Variants in IL4R observed in about 807,000 individuals in gnomAD.
The protein encoded by IL4R is interleukin-4 receptor subunit alpha.
In IL4R, 17 loss-of-function variants were observed where a neutral mutation model predicts 41.5. That is an observed-to-expected ratio of 0.41 (90% CI 0.28 to 0.61). The LOEUF is 0.61. Ranked by LOEUF, IL4R falls within the 20% of genes least tolerant of loss-of-function variation. The pLI is 0.31. For missense variants in IL4R, 974 were observed against 1,043.1 expected (o/e 0.93, Z 0.91); for synonymous variants, 402 against 422.9 (o/e 0.95, Z 0.61).
intron 1 of IL4R, 123 bp downstream of exon 1, chr16:27,314,143 G>A: frequency 3.1e-6 from 3 of 973,814 alleles, no homozygotes; most frequent in Non-Finnish European, 3.7e-6. Flanking sequence ...GACTCCGAGC[G>A]GGGCCCGAGC....
chr16:27,315,136 A>G (rs145888289), intron 1 of IL4R, among the ~76,000 whole-genome samples: 16 of 152,262 alleles, frequency 1.1e-4, no homozygotes, highest in Admixed American at 3.9e-4. Context: ...GACCCACTGC[A>G]CTTCCCTGCC....
At chr16:27,317,609 GC>G (rs2084685514) in intron 1 of IL4R, among the ~76,000 whole-genome samples, 1 of 152,166 alleles carries the variant, frequency 6.6e-6, no homozygotes, top group Non-Finnish European at 1.5e-5. Context: ...CAGACCGGGT[GC>G]ATCACCACTG....
Position 27,362,743 on chromosome 16 carries a change from C to T in IL4R, c.1391C>T (p.Pro464Leu). ...KEAPPWGKEQ[P>L]LHLEPSPPAS... ...GCACCTCCCTGGGGCAAGGAGCAGC[C>T]TCTCCACCTGGAGCCAAGTCCTCCT... The change falls in exon 11 of 11, where the codon CCT becomes CTT. Residue 464 changes from proline to leucine, a missense_variant. Pro to Leu is a moderately conservative substitution (Grantham distance 98). Around this residue, in one of 3 missense-constraint regions of IL4R, gnomAD observed 682 missense variants for 704.3 expected, o/e 0.97. Transcript: ENST00000395762. 1 of 1,614,120 alleles carries T rather than the reference C, an allele frequency of 6.2e-7. No homozygotes were observed. The highest frequency in any genetic ancestry group is 1.6e-4 in the Middle Eastern group (1 of 6,062).
intron 8 of IL4R, 43 bp downstream of exon 8, chr16:27,355,950 G>GC: frequency 7.3e-7 from 1 of 1,364,598 alleles, no homozygotes; most frequent in South Asian, 1.2e-5. Flanking sequence ...CCTCTGGAGT[G>GC]CAGGGTGGCA....
rs2086422735 is a variant in IL4R, at chr16:27,364,296, C to G, written c.*466C>G. 6.2e-6 allele frequency: 1 copy of G among 161,754 alleles called. No homozygotes were observed. Among genetic ancestry groups the G allele is most frequent in the Admixed American group, 6.0e-5 (1 of 16,590 alleles). The allele number at this position is 161,754 out of a possible 1,614,324, so 10.0% of individuals were successfully genotyped here. A position where few individuals can be genotyped will look rare whatever the true frequency, so the allele number is the denominator to read the frequency against. On this transcript the variant is annotated 3_prime_UTR_variant, in exon 11 of 11. Transcript: ENST00000395762. ...ACTAACACAGCCATCAAGGGAATGA[C>G]TTGGGCGGCCTTGGGAAATCGATGA...
At chr16:27,322,637 G>A (rs1163222455) in intron 1 of IL4R, among the ~76,000 whole-genome samples, 1 of 152,080 alleles carries the variant, frequency 6.6e-6, no homozygotes, top group East Asian at 1.9e-4. Context: ...TTGAGACCAG[G>A]AATTCAAGGC....
intron 10 of IL4R, among the ~76,000 whole-genome samples, chr16:27,361,473 T>G (rs1197702176): frequency 6.6e-6 from 1 of 151,902 alleles, no homozygotes; most frequent in Non-Finnish European, 1.5e-5. Flanking sequence ...AAAAAAAGTT[T>G]TTGTAAAGAC....
intron 10 of IL4R, among the ~76,000 whole-genome samples, chr16:27,361,615 T>G (rs947162155): frequency 7.3e-6 from 1 of 136,700 alleles, no homozygotes; most frequent in African/African-American, 3.2e-5. Flanking sequence ...CGCATCTTTT[T>G]TTTTTTTTTT....
intron 1 of IL4R, among the ~76,000 whole-genome samples, chr16:27,324,368 G>A (rs1200253326): frequency 4.6e-5 from 7 of 152,176 alleles, no homozygotes; most frequent in Non-Finnish European, 1.0e-4. Context: ...TGGAAAATTG[G>A]GGATGACCAA....
At chr16:27,326,162 C>T (rs950349719) in intron 1 of IL4R, among the ~76,000 whole-genome samples, 1 of 152,114 alleles carries the variant, frequency 6.6e-6, no homozygotes, top group African/African-American at 2.4e-5. Context: ...GTGCCCCCAC[C>T]ACCCAAGCAA....
chr16:27,352,642 C>T lies in IL4R; in HGVS notation c.616C>T (p.Gln206Ter). 1.9e-6 allele frequency: 3 copies of T among 1,614,226 alleles called. No homozygotes were observed. The highest frequency in any genetic ancestry group is 2.5e-6 in the Non-Finnish European group (3 of 1,180,030). The change falls in exon 7 of 11, where the codon CAG (glutamine) becomes TAG (stop). Residue 206 changes from glutamine to a stop codon, truncating the protein, a stop_gained. Coordinates refer to ENST00000395762, the MANE Select transcript of IL4R (RefSeq NM_000418.4). LOFTEE classifies it high-confidence loss of function. The part of the protein sequence containing the change: ...SYRARVRAWA[Q>*]CYNTTWSEWS... ...CAGGGCACGGGTGAGGGCCTGGGCT[C>T]AGTGCTATAACACCACCTGGAGTGA...
At chr16:27,321,479 C>A (rs2084810731) in intron 1 of IL4R, among the ~76,000 whole-genome samples, 1 of 152,238 alleles carries the variant, frequency 6.6e-6, no homozygotes, top group Admixed American at 6.5e-5. Context: ...GAGACTATTA[C>A]CTCCTTGGAT....
intron 2 of IL4R, among the ~76,000 whole-genome samples, chr16:27,339,389 C>T (rs1257161207): frequency 2.0e-5 from 3 of 152,020 alleles, no homozygotes; most frequent in Non-Finnish European, 2.9e-5. Context: ...TGACTTGTAA[C>T]GTTACTTGAG....
intron 1 of IL4R, among the ~76,000 whole-genome samples, chr16:27,323,578 A>T (rs182431641): frequency 7.9e-5 from 12 of 152,152 alleles, no homozygotes; most frequent in Non-Finnish European, 1.6e-4. Flanking sequence ...CCATCTCTGC[A>T]ATGGAGATGA....
chr16:27,352,318 C>T (rs2085905207), intron 6 of IL4R, among the ~76,000 whole-genome samples: 1 of 152,152 alleles, frequency 6.6e-6, no homozygotes, highest in Non-Finnish European at 1.5e-5. Flanking sequence ...AACAACTTGC[C>T]TAAGTAACAT....
chr16:27,350,601 C>G (rs532053303), intron 6 of IL4R, among the ~76,000 whole-genome samples: 171 of 152,206 alleles, frequency 1.1e-3, no homozygotes, highest in African/African-American at 4.0e-3. Context: ...AGCCCTGGAT[C>G]TCGCAGGGAG....
Position 27,363,181 on chromosome 16 carries a change from T to A in IL4R, c.1829T>A (p.Leu610His). ...EAGYKAFSSL[L>H]ASSAVSPEKC... ...GGTTACAAGGCCTTCTCAAGCCTGC[T>A]TGCCAGCAGTGCTGTGTCCCCAGAG... The change falls in exon 11 of 11, where the codon CTT becomes CAT. Residue 610 changes from leucine to histidine, a missense_variant. Transcript: ENST00000395762. 1 of 1,611,622 alleles carries A rather than the reference T, an allele frequency of 6.2e-7. No individual in the cohort carries two copies. The highest frequency in any genetic ancestry group is 8.5e-7 in the Non-Finnish European group (1 of 1,178,556).
chr16:27,346,663 A>C (rs1335485690), intron 6 of IL4R, 45 bp downstream of exon 6: 1 of 1,606,096 alleles, frequency 6.2e-7, no homozygotes, highest in African/African-American at 1.3e-5. Flanking sequence ...TCTGGGGAAC[A>C]GGGTGGGTGA....
rs2234898 is a variant in IL4R at position 27,362,594 on chromosome 16, G to T, written c.1242G>T (p.Leu414=). 213,384 of 1,613,786 alleles carry T rather than the reference G, an allele frequency of 0.13. 21,381 individuals are homozygous for T. The highest frequency in any genetic ancestry group is 0.54 in the African/African-American group (40,424 of 74,854). ...ARLTESLFLD[L]LGEENGGFCQ... Reference sequence around the variant, plus strand: ...TAACAGAGAGCCTGTTCCTGGACCTGCTCGGAGAGGAGAATGGGGGCTTTT... The same window carrying T: ...TAACAGAGAGCCTGTTCCTGGACCTTCTCGGAGAGGAGAATGGGGGCTTTT... Residue 414 remains leucine, a synonymous_variant, in exon 11 of 11, where the codon CTG becomes CTT. Transcript: ENST00000395762.
Sources: allele counts gnomAD v4.1 joint callset (sites outside exome capture counted in the v4.1 genomes callset), GRCh38; gene constraint gnomAD v4.1.1; regional missense constraint gnomAD v4.1.1; transcripts MANE v1.5; gene names NCBI Gene and HGNC (gene_info 2026-07-23, HGNC 2026-07-21).